The following GRIP1 variants were observed in gnomAD, a reference collection of about 807,000 sequenced individuals.
The protein encoded by GRIP1 is glutamate receptor interacting protein 1.
Under a neutral mutation model 129.9 loss-of-function variants are expected in GRIP1, and 45 were observed. The observed-to-expected ratio is 0.35, with a 90% CI of 0.27 to 0.44. The LOEUF is 0.44. Among genes scored for constraint, GRIP1 ranks in the 20% least tolerant of loss-of-function variants. The pLI, the probability that GRIP1 is intolerant of heterozygous loss-of-function variation, is 1.00. For missense variants in GRIP1, 1,196 were observed against 1,396.8 expected, an observed-to-expected ratio of 0.86 and a Z score of 2.29; for synonymous variants, 530 against 520.8, an observed-to-expected ratio of 1.02 and a Z score of -0.24.
intron 13 of GRIP1, among the ~76,000 whole-genome samples, chr12:66,439,954 T>C (rs780344915): frequency 6.6e-6 from 1 of 152,168 alleles, no homozygotes; most frequent in Non-Finnish European, 1.5e-5. Context: ...TGCTCTAAAC[T>C]TGAAGCTTCC....
chr12:66,669,652 G>C (rs542038813), intron 1 of GRIP1, among the ~76,000 whole-genome samples: 1 of 152,250 alleles, frequency 6.6e-6, no homozygotes, highest in East Asian at 1.9e-4. Flanking sequence ...TGGTGTGCTG[G>C]TAAATGTTTA....
chr12:66,535,589 A>T (rs79855554), intron 4 of GRIP1, among the ~76,000 whole-genome samples: 3,466 of 152,290 alleles, frequency 0.023, 125 homozygotes, highest in African/African-American at 0.08. Flanking sequence ...AGAAATGAGC[A>T]AAGCTGCCAT....
At chr12:66,581,360 C>A (rs1002281701) in intron 2 of GRIP1, among the ~76,000 whole-genome samples, 1 of 150,854 alleles carries the variant, frequency 6.6e-6, no homozygotes, top group Admixed American at 6.6e-5. Context: ...AAAGCAAGAG[C>A]AAACACATTC....
intron 2 of GRIP1, among the ~76,000 whole-genome samples, chr12:66,572,862 G>A (rs114547756): frequency 0.013 from 2,050 of 152,160 alleles, 41 homozygotes; most frequent in African/African-American, 0.047. Context: ...GTATGCCATG[G>A]AGGACGGTGT....
At chr12:67,053,343 T>C (rs1201712529) in intron 1 of GRIP1, among the ~76,000 whole-genome samples, 2 of 152,252 alleles carry the variant, frequency 1.3e-5, no homozygotes, top group African/African-American at 2.4e-5. Flanking sequence ...TTGTTTAAAA[T>C]GTAAACTCAT....
At chr12:66,994,033 A>C (rs2042432110) in intron 1 of GRIP1, among the ~76,000 whole-genome samples, 1 of 152,142 alleles carries the variant, frequency 6.6e-6, no homozygotes, top group Non-Finnish European at 1.5e-5. Context: ...CCTCCCCCAA[A>C]GAAAAGCCCA....
rs191886905 is a variant in GRIP1 at position 66,523,662 on chromosome 12, C to A, written c.503-5686G>T. On this transcript the variant is annotated intron_variant, in intron 5 of 24. Transcript: ENST00000359742. Reference sequence around the variant, plus strand: ...CCAGCTAACATCATAATGACAGGACCAAATTCACACATAACAATTTAACTT... The same window carrying A: ...CCAGCTAACATCATAATGACAGGACAAAATTCACACATAACAATTTAACTT... Among the ~76,000 whole-genome samples, 906 of 151,488 alleles carry A rather than the reference C, an allele frequency of 6.0e-3. 6 individuals are homozygous for A. The highest frequency in any genetic ancestry group is 0.02 in the African/African-American group (833 of 41,240).
chr12:67,063,755 T>G (rs1485368121), intron 1 of GRIP1, among the ~76,000 whole-genome samples: 1 of 152,238 alleles, frequency 6.6e-6, no homozygotes, highest in Non-Finnish European at 1.5e-5. Flanking sequence ...ATTCTTTTAC[T>G]AATATCAGTT....
At chr12:66,540,168 T>A (rs954781034) in intron 3 of GRIP1, among the ~76,000 whole-genome samples, 1 of 152,220 alleles carries the variant, frequency 6.6e-6, no homozygotes, top group African/African-American at 2.4e-5. Context: ...TTTGCTATCA[T>A]GCAATGCCAT....
At chr12:66,905,519 A>G (rs1313490099) in intron 1 of GRIP1, among the ~76,000 whole-genome samples, 1 of 152,236 alleles carries the variant, frequency 6.6e-6, no homozygotes, top group African/African-American at 2.4e-5. Context: ...TATGAGAGCA[A>G]ATGACAATTC....
intron 1 of GRIP1, among the ~76,000 whole-genome samples, chr12:66,889,867 T>C (rs780797619): frequency 6.6e-6 from 1 of 152,214 alleles, no homozygotes; most frequent in Non-Finnish European, 1.5e-5. Context: ...CTATTTTACA[T>C]ATATGGCCTT....
intron 1 of GRIP1, among the ~76,000 whole-genome samples, chr12:66,898,797 T>C (rs564640824): frequency 2.0e-5 from 3 of 152,320 alleles, no homozygotes; most frequent in African/African-American, 4.8e-5. Flanking sequence ...TAGCAACAAT[T>C]ACAATAACTA....
intron 1 of GRIP1, among the ~76,000 whole-genome samples, chr12:66,604,458 G>A (rs1592633928): frequency 1.3e-5 from 2 of 152,150 alleles, no homozygotes; most frequent in Admixed American, 6.5e-5. Flanking sequence ...CCTCATCACC[G>A]AAGAATCAAA....
chr12:66,523,458 A>G (rs1430157154), intron 5 of GRIP1, among the ~76,000 whole-genome samples: 1 of 151,164 alleles, frequency 6.6e-6, no homozygotes, highest in Non-Finnish European at 1.5e-5. Flanking sequence ...GAAATAAAAT[A>G]CTTTACAGAC....
chr12:66,402,867 C>T (rs1474159437), intron 16 of GRIP1, among the ~76,000 whole-genome samples: 1 of 152,184 alleles, frequency 6.6e-6, no homozygotes, highest in Non-Finnish European at 1.5e-5. Context: ...ATTTTCCACT[C>T]AGTCATATCT....
chr12:66,932,550 C>T (rs1049447356), intron 1 of GRIP1, among the ~76,000 whole-genome samples: 2 of 150,898 alleles, frequency 1.3e-5, no homozygotes, highest in Non-Finnish European at 2.9e-5. Flanking sequence ...AATTGGACAT[C>T]AACCCTGAAT....
chr12:66,744,934 T>C (rs975927588), intron 1 of GRIP1, among the ~76,000 whole-genome samples: 56 of 152,290 alleles, frequency 3.7e-4, no homozygotes, highest in Non-Finnish European at 7.5e-4. Context: ...AATTAATGAA[T>C]TTGGCTTCTG....
chr12:66,587,217 C>G (rs1475192499), intron 2 of GRIP1, among the ~76,000 whole-genome samples: 2 of 152,216 alleles, frequency 1.3e-5, no homozygotes, highest in East Asian at 1.9e-4. Flanking sequence ...AGGGACTTTG[C>G]ATTTGCTCTT....
intron 1 of GRIP1, among the ~76,000 whole-genome samples, chr12:66,803,319 T>C (rs941211372): frequency 2.0e-5 from 3 of 152,244 alleles, no homozygotes; most frequent in Non-Finnish European, 4.4e-5. Context: ...TCTCTGTGCA[T>C]AGCTGCTTTC....
Sources: gnomAD v4.1 joint callset for allele counts (sites outside exome capture counted in the v4.1 genomes callset) on GRCh38, gnomAD v4.1.1 for gene constraint, MANE v1.5 for transcripts, NCBI Gene and HGNC (gene_info 2026-07-23, HGNC 2026-07-21) for gene names.